Variants in PCDH9 observed in about 807,000 individuals in gnomAD.
PCDH9 encodes the protein protocadherin 9.
Under a neutral mutation model 70.6 loss-of-function variants are expected in PCDH9, and 24 were observed. The observed-to-expected ratio is 0.34, with a 90% CI of 0.25 to 0.48. The LOEUF is 0.48. PCDH9 is among the 20% of genes least tolerant of loss of function. The pLI is 0.99. For synonymous variants in PCDH9, 562 were observed against 558.5 expected (o/e 1.01, Z -0.09); for missense variants, 1,281 against 1,503.6 (o/e 0.85, Z 2.45).
At chr13:67,208,142 T>C (rs1021846107) in intron 2 of PCDH9, 8 of 152,206 alleles carry the variant, frequency 5.3e-5, no homozygotes, top group African/African-American at 1.9e-4. Flanking sequence ...CACAGAATTT[T>C]CTTTATCTGT....
intron 2 of PCDH9, among the ~76,000 whole-genome samples, chr13:67,102,188 C>A (rs988859872): frequency 6.6e-6 from 1 of 152,104 alleles, no homozygotes. Context: ...TTGCACAGTA[C>A]AATAGTGAAA....
rs1038708848 is a variant in PCDH9 at position 66,868,272 on chromosome 13, C to T, written c.3138+35232G>A. On this transcript the variant is annotated intron_variant, in intron 3 of 4. Coordinates refer to ENST00000377865, the MANE Select transcript of PCDH9 (RefSeq NM_203487.3). ...GGCAAATTAGGTAATTTTACCATGA[C>T]AAAATTCTATAATTAGTTTTATAAT... Among the ~76,000 whole-genome samples, 12 of 151,908 alleles carry T rather than the reference C, an allele frequency of 7.9e-5. 1 individual carries two copies. Among genetic ancestry groups the T allele is most frequent in the Non-Finnish European group, 1.2e-4 (8 of 67,896 alleles).
intron 2 of PCDH9, among the ~76,000 whole-genome samples, chr13:66,925,306 A>C (rs2082699713): frequency 7.7e-6 from 1 of 129,302 alleles, no homozygotes; most frequent in African/African-American, 3.1e-5. Context: ...CATGTTCAGC[A>C]TCCTAAAAAC....
chr13:66,675,933 A>G (rs1311867500), intron 3 of PCDH9, among the ~76,000 whole-genome samples: 1 of 152,044 alleles, frequency 6.6e-6, no homozygotes, highest in African/African-American at 2.4e-5. Context: ...CTCTACTTTT[A>G]TTATTCTGGT....
intron 4 of PCDH9, among the ~76,000 whole-genome samples, chr13:66,309,637 C>T (rs1355455288): frequency 1.3e-5 from 2 of 151,376 alleles, no homozygotes; most frequent in African/African-American, 4.9e-5. Flanking sequence ...AACTGTAATC[C>T]TTTTTCTTTG....
chr13:66,617,030 C>G (rs563553933), intron 4 of PCDH9, among the ~76,000 whole-genome samples: 6 of 152,254 alleles, frequency 3.9e-5, no homozygotes, highest in African/African-American at 1.4e-4. Context: ...TTAAGCCAAC[C>G]CCAAGCTTCC....
chr13:67,159,920 T>A (rs548564491), intron 2 of PCDH9, among the ~76,000 whole-genome samples: 2 of 152,216 alleles, frequency 1.3e-5, no homozygotes, highest in Non-Finnish European at 2.9e-5. Context: ...TTCTATTATT[T>A]TTTTGCATAG....
At chr13:66,747,430 T>G (rs1566167377) in intron 3 of PCDH9, among the ~76,000 whole-genome samples, 1 of 152,166 alleles carries the variant, frequency 6.6e-6, no homozygotes, top group Non-Finnish European at 1.5e-5. Context: ...CCAAAACTCT[T>G]TTCATCAAAA....
intron 2 of PCDH9, among the ~76,000 whole-genome samples, chr13:67,016,078 CA>C: frequency 6.6e-6 from 1 of 152,066 alleles, no homozygotes; most frequent in African/African-American, 2.4e-5. Flanking sequence ...AATTCAATAC[CA>C]AAACATGCTT....
At chr13:66,706,182 G>A (rs575985670) in intron 3 of PCDH9, among the ~76,000 whole-genome samples, 1 of 152,272 alleles carries the variant, frequency 6.6e-6, no homozygotes, top group Non-Finnish European at 1.5e-5. Context: ...TAGAAAACAG[G>A]GAGTTAAAGC....
At chr13:66,307,714 T>G (rs764974791) in intron 4 of PCDH9, among the ~76,000 whole-genome samples, 1 of 152,068 alleles carries the variant, frequency 6.6e-6, no homozygotes, top group Non-Finnish European at 1.5e-5. Context: ...ACATCAGGTT[T>G]TTATTGAGCT....
chr13:66,716,439 C>T (rs2078866959), intron 3 of PCDH9, among the ~76,000 whole-genome samples: 1 of 152,118 alleles, frequency 6.6e-6, no homozygotes, highest in Non-Finnish European at 1.5e-5. Context: ...CATTCTCTTC[C>T]TGTAAACAGA....
At chr13:66,679,441 A>T (rs1285158688) in intron 3 of PCDH9, among the ~76,000 whole-genome samples, 1 of 151,964 alleles carries the variant, frequency 6.6e-6, no homozygotes, top group Non-Finnish European at 1.5e-5. Flanking sequence ...ACAAAAACAT[A>T]CAAGCAAAGT....
intron 3 of PCDH9, among the ~76,000 whole-genome samples, chr13:66,720,155 A>T (rs1016735537): frequency 2.7e-5 from 4 of 147,270 alleles, no homozygotes; most frequent in Non-Finnish European, 6.0e-5. Context: ...TTTATTTTTT[A>T]TTTTTATTTT....
intron 2 of PCDH9, among the ~76,000 whole-genome samples, chr13:66,948,534 G>GAA (rs34932446): frequency 4.7e-5 from 7 of 147,704 alleles, no homozygotes; most frequent in Admixed American, 1.4e-4. Context: ...TAGTGATACA[G>GAA]AAAAAAAAAA....
chr13:66,369,042 G>A (rs1242900593), intron 4 of PCDH9, among the ~76,000 whole-genome samples: 1 of 152,006 alleles, frequency 6.6e-6, no homozygotes, highest in Non-Finnish European at 1.5e-5. Flanking sequence ...CCCTTCTTTT[G>A]TTTCTCTTGC....
At chr13:67,181,894 C>A (rs193116018) in intron 2 of PCDH9, among the ~76,000 whole-genome samples, 96 of 152,284 alleles carry the variant, frequency 6.3e-4, no homozygotes, top group African/African-American at 2.1e-3. Flanking sequence ...ATTTAAACAG[C>A]AAATCACCTT....
chr13:67,136,909 TG>T (rs1425666574), intron 2 of PCDH9, among the ~76,000 whole-genome samples: 3 of 152,076 alleles, frequency 2.0e-5, no homozygotes, highest in Non-Finnish European at 4.4e-5. Context: ...CTAGTTTCTC[TG>T]TGTCTGCATT....
intron 4 of PCDH9, among the ~76,000 whole-genome samples, chr13:66,538,509 C>G (rs1960805105): frequency 6.6e-6 from 1 of 152,108 alleles, no homozygotes; most frequent in Non-Finnish European, 1.5e-5. Context: ...ATAGTGGAAG[C>G]TCACAAGTCC....
Sources: gnomAD v4.1 joint callset for allele counts (sites outside exome capture counted in the v4.1 genomes callset) on GRCh38, gnomAD v4.1.1 for gene constraint, MANE v1.5 for transcripts, NCBI Gene and HGNC (gene_info 2026-07-23, HGNC 2026-07-21) for gene names.